The following EPB41L4B variants were observed in gnomAD, a reference collection of about 807,000 sequenced individuals.
EPB41L4B encodes the protein erythrocyte membrane protein band 4.1 like 4B, also known as band 4.1-like protein 4B.
Under a neutral mutation model 112.5 loss-of-function variants are expected in EPB41L4B, and 30 were observed. The ratio of observed to expected loss-of-function variants is 0.27; its 90% CI spans 0.20 to 0.36. The LOEUF (loss-of-function observed/expected upper bound fraction) is 0.36, where lower values mean the gene tolerates loss of function less well. EPB41L4B is among the 10% of genes least tolerant of loss of function. The probability of loss-of-function intolerance (pLI) is 1.00; values close to 1 mark genes in which losing one functional copy is unlikely to be tolerated. For synonymous variants in EPB41L4B, 408 were observed against 439.7 expected, an observed-to-expected ratio of 0.93 and a Z score of 0.90; for missense variants, 1,024 against 1,133.3, an observed-to-expected ratio of 0.90 and a Z score of 1.38.
At chr9:109,250,315 C>T (rs1037989896) in intron 13 of EPB41L4B, among the ~76,000 whole-genome samples, 12 of 152,280 alleles carry the variant, frequency 7.9e-5, no homozygotes, top group African/African-American at 2.4e-4. Flanking sequence ...GGGCTCTCCT[C>T]GCTCACCGGG....
intron 15 of EPB41L4B, among the ~76,000 whole-genome samples, chr9:109,238,269 T>C (rs905851622): frequency 1.3e-5 from 2 of 152,152 alleles, no homozygotes; most frequent in Non-Finnish European, 2.9e-5. Context: ...TCTTCTGCCC[T>C]GTACAGCATG....
At chr9:109,312,427 A>G (rs10122294) in intron 1 of EPB41L4B, among the ~76,000 whole-genome samples, 5,420 of 152,170 alleles carry the variant, frequency 0.036, 262 homozygotes, top group African/African-American at 0.11. Flanking sequence ...ATCTGATCCC[A>G]AGTGGCCTAC....
chr9:109,176,695 GC>G lies in EPB41L4B; in HGVS notation c.2488del (p.Ala830GlnfsTer18). 1 of 1,612,254 alleles carries G rather than the reference GC, an allele frequency of 6.2e-7. No homozygotes were observed. Among genetic ancestry groups the G allele is most frequent in the Non-Finnish European group, 8.5e-7 (1 of 1,179,496 alleles). ...DTFTTGPQFT[A>X]DFRDSKLQCC... ...CTGTAATTTACTGTCTCTGAAGTCT[GC>G]CTGGAGAAGAAACAGGAAAGAGGAG... On this transcript the variant is annotated frameshift_variant and splice_region_variant, in exon 25 of 26. Transcript: ENST00000374566. LOFTEE classifies it high-confidence loss of function.
chr9:109,189,337 G>A (rs1219365285), intron 22 of EPB41L4B, among the ~76,000 whole-genome samples: 3 of 152,228 alleles, frequency 2.0e-5, no homozygotes, highest in East Asian at 1.9e-4. Flanking sequence ...CTACAAAAGC[G>A]AAGTTGGAAA....
chr9:109,233,765 C>G (rs1365400391), intron 15 of EPB41L4B, among the ~76,000 whole-genome samples: 1 of 152,124 alleles, frequency 6.6e-6, no homozygotes, highest in East Asian at 1.9e-4. Context: ...CTCCTGACCT[C>G]AGGCGATCCA....
intron 14 of EPB41L4B, among the ~76,000 whole-genome samples, chr9:109,246,139 C>A (rs1442438775): frequency 6.6e-6 from 1 of 152,206 alleles, no homozygotes; most frequent in East Asian, 1.9e-4. Flanking sequence ...CGGTGGCTCA[C>A]ACCTGTAAAC....
chr9:109,279,220 G>C (rs951082279), intron 2 of EPB41L4B, among the ~76,000 whole-genome samples: 3 of 150,114 alleles, frequency 2.0e-5, no homozygotes, highest in Non-Finnish European at 4.4e-5. Flanking sequence ...TTTTCAGACA[G>C]GGTCTTACTC....
At chr9:109,266,135 T>C (rs1005313415) in intron 4 of EPB41L4B, among the ~76,000 whole-genome samples, 5 of 152,236 alleles carry the variant, frequency 3.3e-5, no homozygotes, top group South Asian at 2.1e-4. Flanking sequence ...GCCAGAACTC[T>C]TGATTCCTAT....
intron 17 of EPB41L4B, among the ~76,000 whole-genome samples, chr9:109,210,602 G>C (rs936311353): frequency 6.6e-6 from 1 of 152,174 alleles, no homozygotes; most frequent in African/African-American, 2.4e-5. Context: ...AAGCTGGCTT[G>C]TTCTTGTTCA....
intron 16 of EPB41L4B, among the ~76,000 whole-genome samples, chr9:109,214,912 G>A (rs1341412678): frequency 6.6e-6 from 1 of 152,244 alleles, no homozygotes; most frequent in Non-Finnish European, 1.5e-5. Context: ...TTGTCCTGGA[G>A]CGGGTGCCCC....
At chr9:109,285,205 AC>A in intron 1 of EPB41L4B, among the ~76,000 whole-genome samples, 1 of 152,366 alleles carries the variant, frequency 6.6e-6, no homozygotes, top group South Asian at 2.1e-4. Flanking sequence ...CAGAGTATTA[AC>A]TGAACCATCA....
intron 1 of EPB41L4B, among the ~76,000 whole-genome samples, chr9:109,282,440 A>G (rs2119145718): frequency 1.3e-5 from 2 of 152,316 alleles, no homozygotes; most frequent in East Asian, 3.9e-4. Context: ...AGGTGGGTGG[A>G]GTTTTTCTTT....
chr9:109,262,452 G>GTGTGGGT (rs34849317), intron 6 of EPB41L4B, among the ~76,000 whole-genome samples: 1 of 149,556 alleles, frequency 6.7e-6, no homozygotes, highest in Non-Finnish European at 1.5e-5. Flanking sequence ...TGTGTGTGGG[G>GTGTGGGT]GTGTGTGTGT....
chr9:109,257,496 A>AC (rs1396923137), intron 7 of EPB41L4B, among the ~76,000 whole-genome samples: 3 of 152,204 alleles, frequency 2.0e-5, no homozygotes, highest in African/African-American at 7.2e-5. Flanking sequence ...TTCCTATACA[A>AC]CAGGGTATAT....
intron 22 of EPB41L4B, among the ~76,000 whole-genome samples, chr9:109,187,970 A>C (rs1832329972): frequency 6.6e-6 from 1 of 152,224 alleles, no homozygotes; most frequent in South Asian, 2.1e-4. Flanking sequence ...AGGAAATAAG[A>C]TAACACATGG....
intron 1 of EPB41L4B, among the ~76,000 whole-genome samples, chr9:109,306,306 C>T (rs1837189348): frequency 6.6e-6 from 1 of 152,152 alleles, no homozygotes; most frequent in Admixed American, 6.5e-5. Context: ...CTCAGAATCA[C>T]CTGGGGAGTT....
At chr9:109,235,390 C>CTTT (rs758330838) in intron 15 of EPB41L4B, among the ~76,000 whole-genome samples, 3,110 of 87,216 alleles carry the variant, frequency 0.036, 194 homozygotes, top group Non-Finnish European at 0.051. Context: ...TTCAGCTAGA[C>CTTT]TTTTTTTTTT....
intron 1 of EPB41L4B, among the ~76,000 whole-genome samples, chr9:109,319,867 G>A (rs1191495528): frequency 6.6e-6 from 1 of 152,176 alleles, no homozygotes; most frequent in East Asian, 1.9e-4. Flanking sequence ...TGGGGAGGGG[G>A]CGAGGCCCCA....
At chr9:109,317,947 G>T (rs1043836592) in intron 1 of EPB41L4B, among the ~76,000 whole-genome samples, 1 of 152,216 alleles carries the variant, frequency 6.6e-6, no homozygotes, top group African/African-American at 2.4e-5. Flanking sequence ...CGTTAACCTC[G>T]TAACTCAGAA....
Sources: gnomAD v4.1 joint callset for allele counts (sites outside exome capture counted in the v4.1 genomes callset) on GRCh38, gnomAD v4.1.1 for gene constraint, MANE v1.5 for transcripts, NCBI Gene and HGNC (gene_info 2026-07-23, HGNC 2026-07-21) for gene names.